The following UNC79 variants were observed in gnomAD, a reference collection of about 807,000 sequenced individuals.
UNC79 encodes unc-79 subunit of NALCN channel complex.
A neutral mutation model predicts 283.1 loss-of-function variants in UNC79; 37 were observed. The observed-to-expected ratio is 0.13, with a 90% CI of 0.10 to 0.17. UNC79 has a LOEUF of 0.17. Among genes scored for constraint, UNC79 ranks in the 10% least tolerant of loss-of-function variants. UNC79 has a pLI of 1.00. For missense variants in UNC79, 2,272 were observed against 3,211.1 expected (o/e 0.71, Z 7.07); for synonymous variants, 1,107 against 1,200.2 (o/e 0.92, Z 1.61).
chr14:93,597,474 T>A, exon 24 of UNC79: 1 of 1,614,160 alleles, frequency 6.2e-7, no homozygotes, highest in Non-Finnish European at 8.5e-7. Context: ...CAGTGGAGGA[T>A]GTCAACCCCG....
intron 1 of UNC79, among the ~76,000 whole-genome samples, chr14:93,384,056 G>A (rs2054719206): frequency 6.6e-6 from 1 of 152,170 alleles, no homozygotes; most frequent in Admixed American, 6.5e-5. Context: ...TCTTGGGTAT[G>A]CATTTATCAG....
chr14:93,452,374 GATT>G, intron 1 of UNC79, among the ~76,000 whole-genome samples: 1 of 121,186 alleles, frequency 8.3e-6, no homozygotes, highest in African/African-American at 3.2e-5. Context: ...TGGACTGCAT[GATT>G]TTTTTTTTTT....
intron 45 of UNC79, 28 bp from the exon 49 acceptor site, chr14:93,691,721 G>T: frequency 6.2e-7 from 1 of 1,612,172 alleles, no homozygotes; most frequent in African/African-American, 1.3e-5. Flanking sequence ...GGGATGCAAT[G>T]CACTGATGCC....
At chr14:93,612,962 C>T (rs774206598) in exon 27 of UNC79, 24 of 1,614,096 alleles carry the variant, frequency 1.5e-5, no homozygotes, top group African/African-American at 5.3e-5. Flanking sequence ...GCCTTCAACA[C>T]GGTCAAGCGA....
chr14:93,498,568 G>C (rs2059137903), intron 7 of UNC79, among the ~76,000 whole-genome samples: 1 of 152,046 alleles, frequency 6.6e-6, no homozygotes, highest in African/African-American at 2.4e-5. Context: ...TCCAGCCCGG[G>C]TGACAGAGTG....
intron 27 of UNC79, among the ~76,000 whole-genome samples, chr14:93,615,184 G>A (rs1016385284): frequency 6.6e-6 from 1 of 152,140 alleles, no homozygotes; most frequent in African/African-American, 2.4e-5. Context: ...CTTGATCAAT[G>A]CCTGTCTCAT....
chr14:93,632,698 A>AAG (rs1301564086), intron 31 of UNC79, among the ~76,000 whole-genome samples: 1 of 152,174 alleles, frequency 6.6e-6, no homozygotes, highest in African/African-American at 2.4e-5. Context: ...AAAAAAAAAA[A>AAG]AATGAAGAAA....
At chr14:93,599,402 T>C (rs2065333520) in intron 24 of UNC79, among the ~76,000 whole-genome samples, 1 of 151,752 alleles carries the variant, frequency 6.6e-6, no homozygotes, top group Non-Finnish European at 1.5e-5. Flanking sequence ...GCATACACTG[T>C]CTCCCAATCC....
At chr14:93,452,211 A>G (rs2140174654) in intron 1 of UNC79, among the ~76,000 whole-genome samples, 1 of 152,120 alleles carries the variant, frequency 6.6e-6, no homozygotes, top group East Asian at 1.9e-4. Context: ...TTTAAAAAGT[A>G]TTTACTGTCT....
intron 1 of UNC79, among the ~76,000 whole-genome samples, chr14:93,396,144 T>A (rs892111033): frequency 6.6e-6 from 1 of 152,132 alleles, no homozygotes; most frequent in Non-Finnish European, 1.5e-5. Context: ...TTCATTTTTT[T>A]TTTCTGTCTG....
intron 1 of UNC79, among the ~76,000 whole-genome samples, chr14:93,419,702 G>T (rs1033104879): frequency 4.0e-5 from 6 of 151,540 alleles, no homozygotes; most frequent in Non-Finnish European, 8.8e-5. Context: ...GTATTTGTAG[G>T]CCTCATGGTA....
At chr14:93,365,346 C>T (rs768806633) in intron 1 of UNC79, among the ~76,000 whole-genome samples, 23 of 139,428 alleles carry the variant, frequency 1.6e-4, no homozygotes, top group Non-Finnish European at 2.3e-4. Context: ...GATTGTGCCA[C>T]TGCACTCCAG....
At chr14:93,427,800 A>C (rs1244032191), upstream of UNC79, among the ~76,000 whole-genome samples, 3 of 152,118 alleles carry the variant, frequency 2.0e-5, no homozygotes, top group Admixed American at 2.0e-4. Flanking sequence ...ATTTAGAATA[A>C]TTTTTTATGG....
In UNC79 at chr14:93,692,260, C is replaced by T. The variant is rs76939038; in HGVS notation, c.7470+314C>T. On this transcript the variant is annotated intron_variant, in intron 46 of 48. Transcript: ENST00000555664. Reference sequence around the variant, plus strand: ...ATGTTCTCACCATAAAAAATAAGTACGTAAGGCAATGTACATGTTAAATAG... The same window carrying T: ...ATGTTCTCACCATAAAAAATAAGTATGTAAGGCAATGTACATGTTAAATAG... Among the ~76,000 whole-genome samples, 964 of 152,184 alleles carry T rather than the reference C, an allele frequency of 6.3e-3. 7 individuals are homozygous for T. Among genetic ancestry groups the T allele is most frequent in the African/African-American group, 0.022 (918 of 41,514 alleles).
At chr14:93,336,815 A>G (rs1214447953) in intron 1 of UNC79, among the ~76,000 whole-genome samples, 1 of 152,210 alleles carries the variant, frequency 6.6e-6, no homozygotes, top group Non-Finnish European at 1.5e-5. Flanking sequence ...GTGCATCAAA[A>G]TGTACTGATA....
chr14:93,705,404 C>T (rs1257912371), intron 48 of UNC79, among the ~76,000 whole-genome samples: 1 of 145,968 alleles, frequency 6.9e-6, no homozygotes, highest in East Asian at 2.0e-4. Flanking sequence ...TTGGAGGATA[C>T]CTAGGCACAT....
At chr14:93,682,246 T>C (rs994986840) in intron 41 of UNC79, among the ~76,000 whole-genome samples, 1 of 152,228 alleles carries the variant, frequency 6.6e-6, no homozygotes, top group African/African-American at 2.4e-5. Context: ...AAATATATGA[T>C]ACGATAATAG....
At chr14:93,657,353 T>A (rs1343495823) in intron 38 of UNC79, among the ~76,000 whole-genome samples, 2 of 24,294 alleles carry the variant, frequency 8.2e-5, no homozygotes, top group Non-Finnish European at 2.8e-4. Flanking sequence ...TATGGCAAAT[T>A]TTTTTTTTTT....
chr14:93,578,951 A>G (rs1235892981), intron 18 of UNC79, among the ~76,000 whole-genome samples: 2 of 152,120 alleles, frequency 1.3e-5, no homozygotes, highest in Non-Finnish European at 2.9e-5. Context: ...TTTATCTTTC[A>G]TGTCCTTGAC....
Sources: gnomAD v4.1 joint callset for allele counts (sites outside exome capture counted in the v4.1 genomes callset) on GRCh38, gnomAD v4.1.1 for gene constraint, MANE v1.5 for transcripts, NCBI Gene and HGNC (gene_info 2026-07-23, HGNC 2026-07-21) for gene names.